The following PPP3CA variants were observed in gnomAD, a reference collection of about 807,000 sequenced individuals.
PPP3CA encodes CAM-PRP catalytic subunit.
Under a neutral mutation model 66.5 loss-of-function variants are expected in PPP3CA, and 14 were observed. The ratio of observed to expected loss-of-function variants is 0.21; its 90% CI spans 0.14 to 0.33. The LOEUF (loss-of-function observed/expected upper bound fraction) is 0.33. Ranked by LOEUF, PPP3CA falls within the 10% of genes least tolerant of loss-of-function variation. The pLI is 1.00. For missense variants in PPP3CA, 317 were observed against 639.5 expected (o/e 0.50, Z 5.44); for synonymous variants, 232 against 226.2 (o/e 1.03, Z -0.23).
chr4:101,040,005 T>A (rs1727435262), intron 11 of PPP3CA, among the ~76,000 whole-genome samples: 1 of 106,084 alleles, frequency 9.4e-6, no homozygotes, highest in Non-Finnish European at 2.3e-5. Context: ...TACTACTATA[T>A]GGAAATTGAA....
intron 2 of PPP3CA, among the ~76,000 whole-genome samples, chr4:101,163,939 T>C (rs1160742663): frequency 6.6e-6 from 1 of 151,850 alleles, no homozygotes; most frequent in Non-Finnish European, 1.5e-5. Context: ...CAGGTGGAAG[T>C]TGGTATAAGA....
At chr4:101,138,397 T>A (rs1390691310) in intron 2 of PPP3CA, among the ~76,000 whole-genome samples, 2 of 152,228 alleles carry the variant, frequency 1.3e-5, no homozygotes, top group Non-Finnish European at 2.9e-5. Context: ...TGTGATATAT[T>A]TAATCACCGA....
chr4:101,188,065 TTAGA>T (rs1203582559), intron 2 of PPP3CA, among the ~76,000 whole-genome samples: 3 of 152,136 alleles, frequency 2.0e-5, no homozygotes, highest in South Asian at 2.1e-4. Flanking sequence ...GCATCTTAAA[TTAGA>T]TAGCACATTC....
rs940575644 is a variant in PPP3CA, at chr4:101,236,426, T to C, written c.59-40310A>G. ...TTGAACAAAGTTGGTGAGGACACCATCTGTGGTTGGAGTGCTAGGCACCAA... is the reference window on the plus strand; with the variant it reads ...TTGAACAAAGTTGGTGAGGACACCACCTGTGGTTGGAGTGCTAGGCACCAA... On this transcript the variant is annotated intron_variant, in intron 1 of 13. Coordinates refer to ENST00000394854, the MANE Select transcript of PPP3CA (RefSeq NM_000944.5). Among the ~76,000 whole-genome samples, 14 of 152,078 alleles carry C rather than the reference T, an allele frequency of 9.2e-5. 1 individual carries two copies. The Middle Eastern group carries it at 0.017, about 185-fold the overall frequency.
At chr4:101,075,147 G>C (rs1393253964) in intron 8 of PPP3CA, among the ~76,000 whole-genome samples, 1 of 152,188 alleles carries the variant, frequency 6.6e-6, no homozygotes, top group South Asian at 2.1e-4. Context: ...CCCTGCCCTT[G>C]ACAGGTGGGG....
At chr4:101,334,286 C>T (rs1426163539) in intron 1 of PPP3CA, among the ~76,000 whole-genome samples, 1 of 152,116 alleles carries the variant, frequency 6.6e-6, no homozygotes, top group Non-Finnish European at 1.5e-5. Flanking sequence ...AGGCGCATGA[C>T]ACCACGCACA....
At chr4:101,142,560 C>T (rs1365290238) in intron 2 of PPP3CA, among the ~76,000 whole-genome samples, 1 of 152,130 alleles carries the variant, frequency 6.6e-6, no homozygotes, top group Non-Finnish European at 1.5e-5. Flanking sequence ...CAACCTACTC[C>T]ACCCACCCGC....
At chr4:101,108,884 ACTG>A in intron 3 of PPP3CA, 67 bp downstream of exon 3, 1 of 1,482,280 alleles carries the variant, frequency 6.7e-7, no homozygotes, top group South Asian at 1.3e-5. Flanking sequence ...AATAACATTT[ACTG>A]CTTTTATTTT....
At chr4:101,126,439 T>C (rs1207641749) in intron 2 of PPP3CA, among the ~76,000 whole-genome samples, 1 of 152,224 alleles carries the variant, frequency 6.6e-6, no homozygotes, top group Non-Finnish European at 1.5e-5. Context: ...CAGTTGTCAT[T>C]AATATGGTAT....
chr4:101,095,290 G>A (rs1426758500), intron 5 of PPP3CA, among the ~76,000 whole-genome samples: 2 of 152,012 alleles, frequency 1.3e-5, no homozygotes, highest in African/African-American at 4.8e-5. Flanking sequence ...AGTAGAGGAG[G>A]GGAAAGTTTC....
chr4:101,031,766 T>C (rs1304240661), intron 12 of PPP3CA, among the ~76,000 whole-genome samples: 2 of 152,218 alleles, frequency 1.3e-5, no homozygotes, highest in African/African-American at 2.4e-5. Context: ...TTGTTTTCAA[T>C]TGATAAATCA....
At chr4:101,029,298 A>G in intron 12 of PPP3CA, 103 bp from the exon 13 acceptor site, 1 of 888,030 alleles carries the variant, frequency 1.1e-6, no homozygotes, top group Non-Finnish European at 1.8e-6. Context: ...AAGAGAACTA[A>G]TGTTCCTGTA....
intron 8 of PPP3CA, among the ~76,000 whole-genome samples, chr4:101,065,890 G>A (rs1728659804): frequency 6.6e-6 from 1 of 152,034 alleles, no homozygotes; most frequent in Admixed American, 6.6e-5. Context: ...AAGTTCATTT[G>A]ACCTTGGCTC....
chr4:101,269,016 AT>A (rs1220684595), intron 1 of PPP3CA, among the ~76,000 whole-genome samples: 4 of 152,134 alleles, frequency 2.6e-5, no homozygotes, highest in African/African-American at 9.7e-5. Flanking sequence ...TTCATTTATC[AT>A]GTCTAATTGT....
intron 1 of PPP3CA, among the ~76,000 whole-genome samples, chr4:101,249,963 C>T (rs1726621118): frequency 6.6e-6 from 1 of 152,030 alleles, no homozygotes; most frequent in South Asian, 2.1e-4. Context: ...CTTTACTTTT[C>T]TCAGTGCTAG....
At chr4:101,257,249 G>A (rs953276384) in intron 1 of PPP3CA, among the ~76,000 whole-genome samples, 1 of 151,474 alleles carries the variant, frequency 6.6e-6, no homozygotes, top group Non-Finnish European at 1.5e-5. Context: ...GTTCCAAAAG[G>A]AAAAATATTA....
intron 2 of PPP3CA, among the ~76,000 whole-genome samples, chr4:101,142,306 T>C (rs745764359): frequency 3.9e-5 from 6 of 152,202 alleles, no homozygotes; most frequent in Non-Finnish European, 7.3e-5. Flanking sequence ...TATTTGTCTA[T>C]ACCTGACTTT....
chr4:101,027,684 A>C (rs1400829421), intron 13 of PPP3CA, among the ~76,000 whole-genome samples: 1 of 152,186 alleles, frequency 6.6e-6, no homozygotes, highest in Non-Finnish European at 1.5e-5. Flanking sequence ...AACAGGTATA[A>C]AAGTTTGTCA....
chr4:101,075,316 C>T (rs1302823699), intron 8 of PPP3CA, among the ~76,000 whole-genome samples: 1 of 152,142 alleles, frequency 6.6e-6, no homozygotes, highest in Non-Finnish European at 1.5e-5. Context: ...AATGTTTGGT[C>T]TTGATTACTA....
Sources: allele counts gnomAD v4.1 joint callset (sites outside exome capture counted in the v4.1 genomes callset), GRCh38; gene constraint gnomAD v4.1.1; transcripts MANE v1.5; gene names NCBI Gene and HGNC (gene_info 2026-07-23, HGNC 2026-07-21).